CRY1: variants seen among roughly 807,000 people sequenced by gnomAD.
The protein encoded by CRY1 is cryptochrome-1.
In CRY1, 45 loss-of-function variants were observed where a neutral mutation model predicts 76.0. The ratio of observed to expected loss-of-function variants is 0.59; its 90% CI spans 0.47 to 0.76. CRY1 has a LOEUF of 0.76. Ranked by LOEUF, CRY1 falls within the 30% of genes least tolerant of loss-of-function variation. The pLI, the probability that CRY1 is intolerant of heterozygous loss-of-function variation, is 0.00. For missense variants in CRY1, 587 were observed against 716.4 expected (o/e 0.82, Z 2.06); for synonymous variants, 248 against 244.0 (o/e 1.02, Z -0.15).
chr12:107,069,718 AAAGTATATATGTAATATATATT>A (rs1480625030), intron 1 of CRY1, among the ~76,000 whole-genome samples: 4 of 145,700 alleles, frequency 2.7e-5, no homozygotes, highest in Non-Finnish European at 6.0e-5. Context: ...GTATATATAT[AAAGTATATATGTAATATATATT>A]AAGTATATAT....
chr12:107,047,445 T>A (rs1952862956), intron 1 of CRY1, among the ~76,000 whole-genome samples: 1 of 152,112 alleles, frequency 6.6e-6, no homozygotes, highest in Non-Finnish European at 1.5e-5. Flanking sequence ...CACACCCAAA[T>A]CTCATCTTGA....
At chr12:107,058,151 T>C (rs1953006388) in intron 1 of CRY1, among the ~76,000 whole-genome samples, 1 of 152,196 alleles carries the variant, frequency 6.6e-6, no homozygotes, top group South Asian at 2.1e-4. Flanking sequence ...CCTTTTAAAA[T>C]TCATGCTCAT....
intron 12 of CRY1, 44 bp from the exon 13 acceptor site, chr12:106,992,045 C>A (rs79817749): frequency 5.9e-5 from 9 of 151,954 alleles, no homozygotes; most frequent in Non-Finnish European, 1.0e-4. Context: ...AGCTTGATTG[C>A]AAATAATTCA....
At chr12:107,049,986 A>G (rs1952899830) in intron 1 of CRY1, 1 of 152,224 alleles carries the variant, frequency 6.6e-6, no homozygotes, top group Admixed American at 6.5e-5. Context: ...ATAAAACTAG[A>G]TATACAAGTG....
chr12:107,037,343 C>T (rs981464445), intron 1 of CRY1, among the ~76,000 whole-genome samples: 1 of 152,054 alleles, frequency 6.6e-6, no homozygotes, highest in Non-Finnish European at 1.5e-5. Context: ...ACCAGCCTGG[C>T]CAACATGGTG....
chr12:107,065,314 C>T lies in CRY1; in HGVS notation c.158+27490G>A, dbSNP rs182116861. Reference sequence around the variant, plus strand: ...TGTCTGAAAAAAAAGGAGTAAAGGCCGGGCGCGGTGGCTCACATCTGTAAT... The same window carrying T: ...TGTCTGAAAAAAAAGGAGTAAAGGCTGGGCGCGGTGGCTCACATCTGTAAT... On this transcript the variant is annotated intron_variant, in intron 1 of 12. Coordinates refer to ENST00000008527, the MANE Select transcript of CRY1 (RefSeq NM_004075.5). Among the ~76,000 whole-genome samples the T allele has an allele frequency of 1.1e-4, 16 of 151,280 alleles. No individual in the cohort carries two copies. In the South Asian group the frequency reaches 2.3e-3, roughly 22 times the overall value.
intron 1 of CRY1, among the ~76,000 whole-genome samples, chr12:107,023,776 T>G (rs944559575): frequency 6.6e-6 from 1 of 152,206 alleles, no homozygotes; most frequent in African/African-American, 2.4e-5. Context: ...ATCCCTTTTC[T>G]GCCTTGGTTT....
chr12:107,055,050 T>C (rs1328671286), intron 1 of CRY1, among the ~76,000 whole-genome samples: 3 of 151,892 alleles, frequency 2.0e-5, no homozygotes, highest in Non-Finnish European at 4.4e-5. Context: ...CTTGACCTAA[T>C]GGAAAAACAA....
intron 1 of CRY1, among the ~76,000 whole-genome samples, chr12:107,031,229 C>T (rs1036061617): frequency 2.5e-4 from 38 of 152,296 alleles, no homozygotes; most frequent in African/African-American, 9.1e-4. Flanking sequence ...GGGATTTCTG[C>T]AGAGCCCTGA....
Position 106,993,033 on chromosome 12 carries a change from C to A in CRY1, c.1589G>T (p.Cys530Phe). Residue 530 changes from cysteine to phenylalanine, a missense_variant, in exon 11 of 13, where the codon TGC becomes TTC. Coordinates refer to ENST00000008527, the MANE Select transcript of CRY1 (RefSeq NM_004075.5). ...NIPGCSSSGS[C>F]SQGSGILHYA... ...GTGTAAAATACCACTCCCTTGAGAG[C>A]AACCTGTTAGTATTTAAAACACAGT... 6.2e-7 allele frequency: 1 copy of A among 1,613,860 alleles called. No individual in the cohort carries two copies. The highest frequency in any genetic ancestry group is 8.5e-7 in the Non-Finnish European group (1 of 1,179,764).
intron 1 of CRY1, among the ~76,000 whole-genome samples, chr12:107,033,760 A>C (rs1480976363): frequency 6.6e-6 from 1 of 151,652 alleles, no homozygotes; most frequent in Non-Finnish European, 1.5e-5. Flanking sequence ...AAAAATACTT[A>C]GGGAAAACAG....
chr12:107,007,358 G>C (rs547118556), intron 2 of CRY1, among the ~76,000 whole-genome samples: 23 of 152,248 alleles, frequency 1.5e-4, no homozygotes, highest in Middle Eastern at 3.4e-3. Context: ...AAGGTGCAGA[G>C]AGAGTGCCTA....
chr12:107,072,149 G>A (rs1328029678), intron 1 of CRY1, among the ~76,000 whole-genome samples: 4 of 149,926 alleles, frequency 2.7e-5, no homozygotes, highest in African/African-American at 9.7e-5. Context: ...CTGCATATGT[G>A]TTCATTCTTT....
At chr12:106,998,440 A>C (rs1027087481) in intron 7 of CRY1, among the ~76,000 whole-genome samples, 1 of 152,214 alleles carries the variant, frequency 6.6e-6, no homozygotes, top group Non-Finnish European at 1.5e-5. Flanking sequence ...ATTACATAAA[A>C]CACCAACAAA....
At chr12:107,048,272 G>A (rs1210331885) in intron 1 of CRY1, among the ~76,000 whole-genome samples, 3 of 152,086 alleles carry the variant, frequency 2.0e-5, no homozygotes, top group Non-Finnish European at 4.4e-5. Flanking sequence ...AGTAGAGACA[G>A]GGTTTCACTA....
intron 2 of CRY1, among the ~76,000 whole-genome samples, chr12:107,020,293 T>C (rs1033505818): frequency 4.6e-5 from 7 of 151,194 alleles, no homozygotes; most frequent in African/African-American, 1.7e-4. Context: ...GAAATACAAA[T>C]AGAAACATTG....
Position 106,999,674 on chromosome 12 carries a change from T to C in CRY1, c.1014A>G (p.Pro338=), listed in dbSNP as rs759936876. The C allele has an allele frequency of 4.6e-5, 74 of 1,614,146 alleles. No individual in the cohort carries two copies. The highest frequency in any genetic ancestry group is 1.6e-4 in the Middle Eastern group (1 of 6,084). The change falls in exon 7 of 13, where the codon CCA becomes CCG. Residue 338 remains proline (P), a synonymous_variant. Transcript: ENST00000008527. ...AKWAEGRTGF[P]WIDAIMTQLR... ...GCTGTGTCATGATGGCATCAATCCATGGAAAGCCTGTCCGGCCTTCCGCCC... is the reference window on the plus strand; with the variant it reads ...GCTGTGTCATGATGGCATCAATCCACGGAAAGCCTGTCCGGCCTTCCGCCC...
chr12:107,048,171 C>G (rs939720830), intron 1 of CRY1, among the ~76,000 whole-genome samples: 29 of 152,016 alleles, frequency 1.9e-4, no homozygotes, highest in Non-Finnish European at 3.4e-4. Context: ...ACCTCCGCCC[C>G]CTGGGTTCAA....
At chr12:107,086,277 C>T (rs1478510454) in intron 1 of CRY1, among the ~76,000 whole-genome samples, 1 of 152,036 alleles carries the variant, frequency 6.6e-6, no homozygotes, top group Non-Finnish European at 1.5e-5. Flanking sequence ...ACAGAGCATA[C>T]AAATTTGAAA....
Sources: gnomAD v4.1 joint callset for allele counts (sites outside exome capture counted in the v4.1 genomes callset) on GRCh38, gnomAD v4.1.1 for gene constraint, MANE v1.5 for transcripts, NCBI Gene and HGNC (gene_info 2026-07-23, HGNC 2026-07-21) for gene names.